MAP2K5: variants seen among roughly 807,000 people sequenced by gnomAD.
MAP2K5 encodes mitogen-activated protein kinase kinase 5, also known as dual specificity mitogen-activated protein kinase kinase 5.
MAP2K5 carries 49 observed loss-of-function variants against 83.1 expected under a neutral mutation model. The observed-to-expected ratio is 0.59, with a 90% CI of 0.47 to 0.75. The LOEUF (loss-of-function observed/expected upper bound fraction) is 0.75, where lower values mean the gene tolerates loss of function less well. Ranked by LOEUF, MAP2K5 falls within the 30% of genes least tolerant of loss-of-function variation. The probability of loss-of-function intolerance (pLI) is 0.00; values close to 1 mark genes in which losing one functional copy is unlikely to be tolerated. For missense variants in MAP2K5, 457 were observed against 557.5 expected (o/e 0.82, Z 1.82); for synonymous variants, 202 against 191.8 (o/e 1.05, Z -0.44).
At chr15:67,740,374 G>T (rs539208691) in intron 17 of MAP2K5, among the ~76,000 whole-genome samples, 4 of 152,160 alleles carry the variant, frequency 2.6e-5, no homozygotes, top group East Asian at 3.9e-4. Context: ...TTTCTTCCAT[G>T]TCCCATCCTC....
Position 67,587,995 on chromosome 15 carries a change from C to T in MAP2K5, c.431+1082C>T, listed in dbSNP as rs1596605117. On this transcript the variant is annotated intron_variant, in intron 6 of 21. Transcript: ENST00000178640. The surrounding 1 kb of genome is among the most constrained non-coding windows in gnomAD (Gnocchi z 4.8). ...CTCCTGAGAGTCTACTCCCTCCGTTCTTGGCCCATTCAGCCCCTCCTCCAC... is the reference window on the plus strand; with the variant it reads ...CTCCTGAGAGTCTACTCCCTCCGTTTTTGGCCCATTCAGCCCCTCCTCCAC... The T allele has an allele frequency of 5.9e-6, 3 of 509,226 alleles. No homozygotes were observed. The African/African-American group carries it at 6.2e-5, about 11-fold the overall frequency. The allele number at this position is 509,226 out of a possible 1,614,324, so 31.5% of individuals were successfully genotyped here. A position where few individuals can be genotyped will look rare whatever the true frequency, so the allele number is the denominator to read the frequency against.
intron 19 of MAP2K5, among the ~76,000 whole-genome samples, chr15:67,756,660 G>GT (rs765864111): frequency 2.5e-4 from 38 of 151,708 alleles, no homozygotes; most frequent in African/African-American, 9.0e-4. Flanking sequence ...ATAAAAGTAA[G>GT]TTTGTCCCCT....
chr15:67,582,937 T>C (rs1482807623), intron 4 of MAP2K5, among the ~76,000 whole-genome samples: 1 of 152,198 alleles, frequency 6.6e-6, no homozygotes, highest in African/African-American at 2.4e-5. Flanking sequence ...TTTTGTTTGT[T>C]TTCTTTCCTT....
intron 13 of MAP2K5, among the ~76,000 whole-genome samples, chr15:67,683,212 A>C (rs181282197): frequency 2.6e-5 from 4 of 152,302 alleles, no homozygotes; most frequent in African/African-American, 9.6e-5. Context: ...GTGGCTATAT[A>C]CTAGGATTGT....
At chr15:67,699,013 G>T (rs560281011) in intron 15 of MAP2K5, among the ~76,000 whole-genome samples, 1 of 152,050 alleles carries the variant, frequency 6.6e-6, no homozygotes, top group Non-Finnish European at 1.5e-5. Context: ...TTAACCCAAG[G>T]TCTCAGAGTT....
chr15:67,757,800 A>G lies in MAP2K5; in HGVS notation c.1134+9199A>G, dbSNP rs780280667. On this transcript the variant is annotated intron_variant, in intron 19 of 21. Coordinates refer to ENST00000178640, the MANE Select transcript of MAP2K5 (RefSeq NM_145160.3). This position sits in a 1 kb window ranked among gnomAD's most constrained non-coding sequence, Gnocchi z 4.9. ...GGTATTTACGATATGGTATTTAATG[A>G]TGTTTGTAGCCATATAAATTCTATA... 2.6e-5 allele frequency among the ~76,000 whole-genome samples: 4 copies of G among 152,132 alleles called. No individual in the cohort carries two copies. The highest frequency in any genetic ancestry group is 4.4e-5 in the Non-Finnish European group (3 of 68,030).
chr15:67,795,895 A>G (rs1213303539), intron 21 of MAP2K5, among the ~76,000 whole-genome samples: 2 of 152,204 alleles, frequency 1.3e-5, no homozygotes, highest in South Asian at 2.1e-4. Flanking sequence ...TTAAGGCAGT[A>G]ATGTTAAGTT....
intron 8 of MAP2K5, among the ~76,000 whole-genome samples, chr15:67,618,022 A>G (rs2086093475): frequency 6.6e-6 from 1 of 152,196 alleles, no homozygotes; most frequent in Admixed American, 6.5e-5. Flanking sequence ...AGATTATTCT[A>G]GAAATTCAGT....
chr15:67,732,026 C>G (rs1227328533), intron 17 of MAP2K5, among the ~76,000 whole-genome samples: 1 of 152,144 alleles, frequency 6.6e-6, no homozygotes, highest in Non-Finnish European at 1.5e-5. Flanking sequence ...CCTCACTGAC[C>G]CCAGTGCCAT....
intron 1 of MAP2K5, among the ~76,000 whole-genome samples, chr15:67,545,914 G>A (rs2084380146): frequency 1.3e-5 from 2 of 152,124 alleles, no homozygotes; most frequent in Admixed American, 6.5e-5. Flanking sequence ...ATTGGACTTG[G>A]GTCTTCTGTT....
At chr15:67,711,643 A>G (rs886890131) in intron 16 of MAP2K5, among the ~76,000 whole-genome samples, 11 of 150,166 alleles carry the variant, frequency 7.3e-5, no homozygotes, top group African/African-American at 2.5e-4. Flanking sequence ...CCATAACGTG[A>G]TTTACACACG....
At chr15:67,766,759 A>G (rs1566957318) in intron 19 of MAP2K5, among the ~76,000 whole-genome samples, 1 of 152,158 alleles carries the variant, frequency 6.6e-6, no homozygotes, top group African/African-American at 2.4e-5. Flanking sequence ...TGCAGAGAAC[A>G]CTCTCAGGTA....
rs1361368809 is a variant in MAP2K5, at chr15:67,806,647, G to A, written c.1244G>A (p.Gly415Asp). 3 of 1,550,054 alleles carry A rather than the reference G, an allele frequency of 1.9e-6. No homozygotes were observed. Residue 415 changes from glycine (G) to aspartate (D), a missense_variant and splice_region_variant, in exon 22 of 22, where the codon GGC (glycine) becomes GAC (aspartate). Gly to Asp is a moderately conservative substitution (Grantham distance 94). Around this residue, in one of 3 missense-constraint regions of MAP2K5, gnomAD observed 55 missense variants for 50.9 expected, o/e 1.08. Coordinates refer to ENST00000178640, the MANE Select transcript of MAP2K5 (RefSeq NM_145160.3). ...KERPAPEELM[G>D]HPFIVQFNDG... ...ACAGCCTCCTCCTCTTCCCCGCAGG[G>A]CCACCCGTTCATCGTGCAGTTCAAT... is the stretch of plus-strand genomic sequence containing the variant.
In MAP2K5 at chr15:67,783,251, A is replaced by G. The variant is rs924150222; in HGVS notation, c.1242+10499A>G. Among the ~76,000 whole-genome samples, 3 of 152,180 alleles carry G rather than the reference A, an allele frequency of 2.0e-5. No homozygotes were observed. The highest frequency in any genetic ancestry group is 7.2e-5 in the African/African-American group (3 of 41,454). On this transcript the variant is annotated intron_variant, in intron 21 of 21. Transcript: ENST00000178640. This position sits in a 1 kb window ranked among gnomAD's most constrained non-coding sequence, Gnocchi z 5.1. Reference sequence around the variant, plus strand: ...ACAGTCCAGTGAGGAAGGTGAGGGTAGACACAGCCAAGCACAGGATAGAAT... The same window carrying G: ...ACAGTCCAGTGAGGAAGGTGAGGGTGGACACAGCCAAGCACAGGATAGAAT...
At chr15:67,674,760 AAAAC>A (rs2087636901) in intron 13 of MAP2K5, among the ~76,000 whole-genome samples, 1 of 152,200 alleles carries the variant, frequency 6.6e-6, no homozygotes, top group African/African-American at 2.4e-5. Flanking sequence ...CAATGGTAGA[AAAAC>A]AAACAATCCA....
intron 8 of MAP2K5, among the ~76,000 whole-genome samples, chr15:67,613,536 G>A (rs1376797162): frequency 6.6e-6 from 1 of 152,138 alleles, no homozygotes; most frequent in Non-Finnish European, 1.5e-5. Context: ...TAGCCATGAT[G>A]ATATCCTCTG....
chr15:67,577,284 C>A lies in MAP2K5; in HGVS notation c.253-3470C>A, dbSNP rs1596585971. Among the ~76,000 whole-genome samples the A allele has an allele frequency of 1.3e-5, 2 of 152,276 alleles. No homozygotes were observed. The highest frequency in any genetic ancestry group is 4.8e-5 in the African/African-American group (2 of 41,554). ...TATTTTTATGCTCATTTGGAGGAAACTGATGTTTAATAAAGTTAAATGTCT... is the reference window on the plus strand; with the variant it reads ...TATTTTTATGCTCATTTGGAGGAAAATGATGTTTAATAAAGTTAAATGTCT... On this transcript the variant is annotated intron_variant, in intron 3 of 21. Transcript: ENST00000178640. The surrounding 1 kb of genome is among the most constrained non-coding windows in gnomAD (Gnocchi z 4.1).
At chr15:67,593,385 G>A (rs1404936924) in intron 7 of MAP2K5, among the ~76,000 whole-genome samples, 1 of 152,194 alleles carries the variant, frequency 6.6e-6, no homozygotes, top group Non-Finnish European at 1.5e-5. Context: ...TAGGGAGGCA[G>A]AGTGACAGCA....
intron 8 of MAP2K5, among the ~76,000 whole-genome samples, chr15:67,614,647 CATAT>C (rs2086012786): frequency 6.6e-6 from 1 of 152,070 alleles, no homozygotes. Flanking sequence ...GTATTTAGAC[CATAT>C]ATTAAAAGAC....
Sources: gnomAD v4.1 joint callset for allele counts (sites outside exome capture counted in the v4.1 genomes callset) on GRCh38, gnomAD v4.1.1 for gene constraint, gnomAD v4.1.1 regional missense constraint, Gnocchi (gnomAD v3.1) non-coding constraint, MANE v1.5 for transcripts, NCBI Gene and HGNC (gene_info 2026-07-23, HGNC 2026-07-21) for gene names.